Variants in TDRKH observed in about 807,000 individuals in gnomAD.
TDRKH encodes the protein tudor and KH domain-containing protein.
TDRKH carries 28 observed loss-of-function variants against 61.3 expected under a neutral mutation model. The ratio of observed to expected loss-of-function variants is 0.46; its 90% CI spans 0.34 to 0.63. TDRKH has a LOEUF of 0.63. TDRKH is among the 20% of genes least tolerant of loss of function. TDRKH has a pLI of 0.01. For missense variants in TDRKH, 540 were observed against 683.4 expected, an observed-to-expected ratio of 0.79 and a Z score of 2.34; for synonymous variants, 219 against 244.4, an observed-to-expected ratio of 0.90 and a Z score of 0.97.
At chr1:151,770,672 ACT>A (rs1648651390), downstream of TDRKH, 2 of 234,450 alleles carry the variant, frequency 8.5e-6, no homozygotes, top group Non-Finnish European at 1.7e-5. Flanking sequence ...AGGAGCTCAA[ACT>A]CTGTTGGATA....
downstream of TDRKH, chr1:151,771,623 CAG>C (rs1648707667): frequency 2.9e-6 from 1 of 345,258 alleles, no homozygotes; most frequent in Non-Finnish European, 5.1e-6. Flanking sequence ...TGGAGAAAAC[CAG>C]AGAAGGCACA....
In TDRKH at chr1:151,781,328, A is replaced by AAT. The variant is rs60652277; in HGVS notation, c.231+151_231+152dup. ...GCGAAACTCCATCTCAAAAAAAAAA[A>AAT]ATATATATATATATATTTTATATAT... On this transcript the variant is annotated intron_variant, in intron 3 of 12. Coordinates refer to ENST00000368824, the MANE Select transcript of TDRKH (RefSeq NM_001083965.2). Among the ~76,000 whole-genome samples the AAT allele has an allele frequency of 1.1e-3, 78 of 68,586 alleles. 5 individuals are homozygous for AAT. The highest frequency in any genetic ancestry group is 0.011 in the South Asian group (30 of 2,680). 45.0% of individuals were successfully genotyped at this position (68,586 alleles called of 152,430 possible).
chr1:151,789,705 G>A (rs1015467471), intron 1 of TDRKH, among the ~76,000 whole-genome samples: 3 of 152,196 alleles, frequency 2.0e-5, no homozygotes, highest in Non-Finnish European at 2.9e-5. Flanking sequence ...TTAGCTCCAT[G>A]AAAGCATAGA....
chr1:151,774,703 C>A lies in TDRKH; in HGVS notation c.1633+7G>T. 1 of 1,614,008 alleles carries A rather than the reference C, an allele frequency of 6.2e-7. No individual in the cohort carries two copies. The highest frequency in any genetic ancestry group is 1.1e-5 in the South Asian group (1 of 91,066). ...AAGATGCTCTAGGGAGGAAATACTG[C>A]TTGTACCTGATAAGCTGAGGCAGGA... is the stretch of plus-strand genomic sequence containing the variant. On this transcript the variant is annotated splice_region_variant and intron_variant, in intron 12 of 12. Coordinates refer to ENST00000368824, the MANE Select transcript of TDRKH (RefSeq NM_001083965.2).
chr1:151,785,854 C>T (rs60136317), intron 1 of TDRKH, among the ~76,000 whole-genome samples: 61,243 of 151,966 alleles, frequency 0.4, 13,344 homozygotes, highest in Non-Finnish European at 0.5. Flanking sequence ...GACTAAAAAA[C>T]TAAAGATAGG....
chr1:151,781,324 A>ATATATATATATATATATATAT lies in TDRKH; in HGVS notation c.231+156_231+157insATATATATATATATATATATA, dbSNP rs1558145922. 2.7e-4 allele frequency among the ~76,000 whole-genome samples: 5 copies of ATATATATATATATATATATAT among 18,828 alleles called. No homozygotes were observed. The Admixed American group carries it at 2.8e-3, about 10-fold the overall frequency. The allele number at this position is 18,828 out of a possible 152,430, so 12.4% of individuals were successfully genotyped here. ...AAGAGCGAAACTCCATCTCAAAAAA[A>ATATATATATATATATATATAT]AAAAATATATATATATATATTTTAT... On this transcript the variant is annotated intron_variant, in intron 3 of 12. Transcript: ENST00000368824.
In TDRKH at chr1:151,774,519, TAAG is replaced by T. The variant is rs749438613; in HGVS notation, c.1634-18_1634-16del. ...GGAAGCAGCTTCTATTGAAGATAAA[TAAG>T]AAGGAGAAAGTTAGACACTGCCCTA... On this transcript the variant is annotated splice_polypyrimidine_tract_variant and intron_variant, in intron 12 of 12. Coordinates refer to ENST00000368824, the MANE Select transcript of TDRKH (RefSeq NM_001083965.2). 87 of 1,613,812 alleles carry T rather than the reference TAAG, an allele frequency of 5.4e-5. No individual in the cohort carries two copies. The highest frequency in any genetic ancestry group is 5.8e-5 in the Non-Finnish European group (68 of 1,179,910).
downstream of TDRKH, chr1:151,767,971 C>G: frequency 6.5e-7 from 1 of 1,533,704 alleles, no homozygotes; most frequent in Non-Finnish European, 8.9e-7. Context: ...CTCTCCCCAT[C>G]AATGCCCACC....
At chr1:151,766,496 A>G (rs997118517), downstream of TDRKH, 6 of 539,638 alleles carry the variant, frequency 1.1e-5, no homozygotes, top group African/African-American at 1.1e-4. Context: ...TTCAAGTTCT[A>G]TTTTTTAATC....
chr1:151,775,735 C>T (rs1251647739), intron 9 of TDRKH, 85 bp downstream of exon 9: 2 of 1,545,500 alleles, frequency 1.3e-6, no homozygotes, highest in East Asian at 4.5e-5. Context: ...TTCAAAAAGC[C>T]TGGGAATGTG....
downstream of TDRKH, chr1:151,770,336 C>T (rs748340444): frequency 1.1e-5 from 16 of 1,517,800 alleles, no homozygotes; most frequent in African/African-American, 1.4e-5. Flanking sequence ...AGACCCTCTT[C>T]CCCTGTCTTT....
chr1:151,771,009 C>T (rs1013991357), downstream of TDRKH: 30 of 1,501,936 alleles, frequency 2.0e-5, no homozygotes, highest in Non-Finnish European at 2.7e-5. Flanking sequence ...TGGAAGAAAT[C>T]AAATCTGGGG....
intron 4 of TDRKH, 27 bp from the exon 5 acceptor site, chr1:151,779,269 GC>G: frequency 1.2e-6 from 2 of 1,610,222 alleles, no homozygotes; most frequent in East Asian, 2.2e-5. Context: ...ATAAAAACCT[GC>G]CCTTCCCTCC....
chr1:151,766,838 C>G (rs1020621491), downstream of TDRKH: 8 of 1,611,868 alleles, frequency 5.0e-6, no homozygotes, highest in Admixed American at 1.7e-5. Flanking sequence ...TTTACTGTTA[C>G]AAGTACCGGA....
intron 6 of TDRKH, 93 bp from the exon 7 acceptor site, chr1:151,776,692 T>A: frequency 7.0e-7 from 1 of 1,430,378 alleles, no homozygotes; most frequent in Non-Finnish European, 9.5e-7. Context: ...CAAATACCAA[T>A]GGCTGTTACC....
chr1:151,780,596 A>C (rs541663792), intron 3 of TDRKH, among the ~76,000 whole-genome samples: 1 of 152,222 alleles, frequency 6.6e-6, no homozygotes, highest in Non-Finnish European at 1.5e-5. Flanking sequence ...CACGCCTCTA[A>C]TCCCAGCACT....
Position 151,786,187 on chromosome 1 carries a change from G to A in TDRKH, c.-27-3138C>T, listed in dbSNP as rs185332255. Among the ~76,000 whole-genome samples, 46 of 152,208 alleles carry A rather than the reference G, an allele frequency of 3.0e-4. 1 individual carries two copies. The East Asian group carries it at 3.7e-3, about 12-fold the overall frequency. On this transcript the variant is annotated intron_variant, in intron 1 of 12. Transcript: ENST00000368824. ...GAGAGAAAGGAGAACATCTAGCACC[G>A]AAATCTCACTGAGGAGCAGATATAG...
intron 1 of TDRKH, among the ~76,000 whole-genome samples, chr1:151,784,675 T>C (rs1400081382): frequency 6.6e-6 from 1 of 152,164 alleles, no homozygotes; most frequent in Non-Finnish European, 1.5e-5. Flanking sequence ...CTCTAAACAC[T>C]GGAGTGCCTC....
intron 3 of TDRKH, 137 bp downstream of exon 3, chr1:151,781,344 T>TA (rs61409858): frequency 1.4e-4 from 25 of 182,666 alleles, no homozygotes; most frequent in Non-Finnish European, 2.1e-4. Flanking sequence ...TATATATATA[T>TA]TTTATATATA....
Sources: allele counts gnomAD v4.1 joint callset (sites outside exome capture counted in the v4.1 genomes callset), GRCh38; gene constraint gnomAD v4.1.1; transcripts MANE v1.5; gene names NCBI Gene and HGNC (gene_info 2026-07-23, HGNC 2026-07-21).